The following CACNA1E variants were observed in gnomAD, a reference collection of about 807,000 sequenced individuals.
CACNA1E encodes the protein calcium voltage-gated channel subunit alpha1 E, also known as voltage-dependent R-type calcium channel subunit alpha-1E.
CACNA1E carries 40 observed loss-of-function variants against 259.2 expected under a neutral mutation model. The ratio of observed to expected loss-of-function variants is 0.15; its 90% CI spans 0.12 to 0.20. The LOEUF (loss-of-function observed/expected upper bound fraction) is 0.20. CACNA1E is among the 10% of genes least tolerant of loss of function. The probability of loss-of-function intolerance (pLI) is 1.00; values close to 1 mark genes in which losing one functional copy is unlikely to be tolerated. For synonymous variants in CACNA1E, 1,104 were observed against 1,138.5 expected (o/e 0.97, Z 0.61); for missense variants, 1,874 against 3,040.1 (o/e 0.62, Z 9.02).
intron 2 of CACNA1E, among the ~76,000 whole-genome samples, chr1:181,476,892 G>A (rs1662892831): frequency 6.6e-6 from 1 of 152,142 alleles, no homozygotes; most frequent in Non-Finnish European, 1.5e-5. Context: ...GGGTGGGAAG[G>A]GAGGTAGACA....
At position 181,721,826 on chromosome 1, in the gene CACNA1E, A is replaced by G. The variant is rs1488991290; in HGVS notation, c.2025A>G (p.Ser675=). ...NGIRSQGGVS[S]GMWSAIYFIV... is the part of the protein sequence containing the mutation. ...TCCGCTCCCAGGGTGGGGTCAGCTC[A>G]GGCATGTGGTCTGCCATCTACTTCA... The change falls in exon 16 of 48, where the codon TCA becomes TCG. Residue 675 remains serine (S), a synonymous_variant. Transcript: ENST00000367573. 1 of 1,613,634 alleles carries G rather than the reference A, an allele frequency of 6.2e-7. No homozygotes were observed. Among genetic ancestry groups the G allele is most frequent in the East Asian group, 2.2e-5 (1 of 44,874 alleles).
intron 2 of CACNA1E, among the ~76,000 whole-genome samples, chr1:181,470,943 A>T (rs72731223): frequency 0.16 from 24,071 of 152,170 alleles, 2,111 homozygotes; most frequent in Non-Finnish European, 0.19. Context: ...ATACTCTAGA[A>T]CGGGTAATTT....
intron 1 of CACNA1E, among the ~76,000 whole-genome samples, chr1:181,370,602 A>T (rs1654619807): frequency 6.6e-6 from 1 of 152,120 alleles, no homozygotes; most frequent in Non-Finnish European, 1.5e-5. Flanking sequence ...GCTGAAAAGG[A>T]CATGATTTCG....
At chr1:181,641,102 T>A (rs1222748052) in intron 6 of CACNA1E, among the ~76,000 whole-genome samples, 1 of 152,242 alleles carries the variant, frequency 6.6e-6, no homozygotes, top group Non-Finnish European at 1.5e-5. Flanking sequence ...GAGAACTGTT[T>A]TCCTTTCTCA....
chr1:181,430,030 T>C (rs962598030), intron 2 of CACNA1E, among the ~76,000 whole-genome samples: 1 of 152,188 alleles, frequency 6.6e-6, no homozygotes, highest in Admixed American at 6.5e-5. Flanking sequence ...CACAGCAGAC[T>C]GTCTGAGATC....
intron 6 of CACNA1E, among the ~76,000 whole-genome samples, chr1:181,644,477 G>T (rs4145779): frequency 0.26 from 38,866 of 152,070 alleles, 5,718 homozygotes; most frequent in African/African-American, 0.4. Flanking sequence ...GATGTGTGGG[G>T]TATGCTGTAC....
chr1:181,736,512 G>A (rs1378601039), intron 22 of CACNA1E, 78 bp downstream of exon 22: 2 of 1,329,846 alleles, frequency 1.5e-6, no homozygotes, highest in African/African-American at 2.9e-5. Context: ...GTGAAGGGGA[G>A]AGGAAGGATG....
At chr1:181,379,885 A>T (rs961321107) in intron 1 of CACNA1E, among the ~76,000 whole-genome samples, 3 of 151,712 alleles carry the variant, frequency 2.0e-5, no homozygotes, top group African/African-American at 7.3e-5. Context: ...TAAGGATGAC[A>T]GCAGATTTCT....
chr1:181,666,176 A>G (rs1412156327), intron 7 of CACNA1E, among the ~76,000 whole-genome samples: 1 of 152,172 alleles, frequency 6.6e-6, no homozygotes, highest in African/African-American at 2.4e-5. Flanking sequence ...ATTCATGAGA[A>G]AACAGTCTTT....
chr1:181,625,417 G>A (rs1205963028), intron 6 of CACNA1E, among the ~76,000 whole-genome samples: 1 of 152,144 alleles, frequency 6.6e-6, no homozygotes, highest in Non-Finnish European at 1.5e-5. Context: ...CTGTTGTTTA[G>A]TGTACCCGTC....
chr1:181,647,940 C>A (rs964132944), intron 6 of CACNA1E, among the ~76,000 whole-genome samples: 5 of 152,148 alleles, frequency 3.3e-5, no homozygotes, highest in African/African-American at 1.2e-4. Context: ...TGTGAATAAC[C>A]TACAGGAGCT....
intron 22 of CACNA1E, 87 bp downstream of exon 22, chr1:181,736,521 T>G: frequency 8.0e-7 from 1 of 1,248,444 alleles, no homozygotes; most frequent in South Asian, 1.5e-5. Flanking sequence ...AGAGGAAGGA[T>G]GGGGGCCCAG....
chr1:181,458,240 C>G (rs946757874), intron 2 of CACNA1E, among the ~76,000 whole-genome samples: 3 of 152,154 alleles, frequency 2.0e-5, no homozygotes, highest in African/African-American at 7.2e-5. Context: ...GCCACGGAGG[C>G]AGAAGAAGAT....
intron 6 of CACNA1E, among the ~76,000 whole-genome samples, chr1:181,643,535 C>T (rs949990277): frequency 6.6e-6 from 1 of 152,122 alleles, no homozygotes; most frequent in Admixed American, 6.5e-5. Context: ...CTGCCCAGTG[C>T]CAGTGGTGAG....
chr1:181,369,758 G>A (rs1425042045), intron 1 of CACNA1E, among the ~76,000 whole-genome samples: 2 of 152,146 alleles, frequency 1.3e-5, no homozygotes, highest in African/African-American at 2.4e-5. Flanking sequence ...TAGGAGAAGA[G>A]GGGAGAAACA....
At chr1:181,448,937 A>G (rs1372951012) in intron 2 of CACNA1E, among the ~76,000 whole-genome samples, 4 of 152,248 alleles carry the variant, frequency 2.6e-5, no homozygotes, top group African/African-American at 7.2e-5. Context: ...CCCAGCCAGC[A>G]CGGTTGACTG....
At chr1:181,734,576 A>G (rs1655850664) in intron 21 of CACNA1E, among the ~76,000 whole-genome samples, 1 of 135,618 alleles carries the variant, frequency 7.4e-6, no homozygotes, top group South Asian at 2.5e-4. Flanking sequence ...TCATCCCTGC[A>G]TTATGAATTC....
chr1:181,511,400 CT>C lies in CACNA1E; in HGVS notation c.406del (p.Cys136AlafsTer51). 6.2e-7 allele frequency: 1 copy of C among 1,613,902 alleles called. No homozygotes were observed. The highest frequency in any genetic ancestry group is 8.5e-7 in the Non-Finnish European group (1 of 1,179,888). ...AGACAGAACCTTATTTCATTGGGAT[CT>C]TTTGCTTTGAAGCTGGGATCAAAAT... ...EKTEPYFIGI[F>X]CFEAGIKIVA... On this transcript the variant is annotated frameshift_variant, in exon 3 of 48. Coordinates refer to ENST00000367573, the MANE Select transcript of CACNA1E (RefSeq NM_001205293.3). LOFTEE classifies it high-confidence loss of function.
intron 13 of CACNA1E, 64 bp from the exon 14 acceptor site, chr1:181,720,142 G>A (rs1260363106): frequency 1.1e-5 from 18 of 1,594,256 alleles, no homozygotes; most frequent in Non-Finnish European, 1.5e-5. Context: ...CATATGCTGA[G>A]CTGGGCTTGG....
Sources: allele counts gnomAD v4.1 joint callset (sites outside exome capture counted in the v4.1 genomes callset), GRCh38; gene constraint gnomAD v4.1.1; transcripts MANE v1.5; gene names NCBI Gene and HGNC (gene_info 2026-07-23, HGNC 2026-07-21).